GPAT4: variants seen among roughly 807,000 people sequenced by gnomAD.
GPAT4 encodes glycerol-3-phosphate acyltransferase 4, also known as 1-AGP acyltransferase 6.
In GPAT4, 17 loss-of-function variants were observed where a neutral mutation model predicts 58.0. The observed-to-expected ratio is 0.29, with a 90% confidence interval of 0.20 to 0.44. GPAT4 has a LOEUF of 0.44. GPAT4 is among the 20% of genes least tolerant of loss of function. GPAT4 has a pLI of 1.00. For synonymous variants in GPAT4, 204 were observed against 210.1 expected (o/e 0.97, Z 0.25); for missense variants, 377 against 574.5 (o/e 0.66, Z 3.51).
chr8:41,617,276 A>G (rs531561899), intron 10 of GPAT4, among the ~76,000 whole-genome samples: 1 of 152,256 alleles, frequency 6.6e-6, no homozygotes, highest in Admixed American at 6.5e-5. Flanking sequence ...GGGCAGGAGA[A>G]TGGCGTGAAC....
chr8:41,586,800 T>C (rs1802666244), intron 1 of GPAT4, among the ~76,000 whole-genome samples: 1 of 152,242 alleles, frequency 6.6e-6, no homozygotes, highest in South Asian at 2.1e-4. Context: ...GATGGTTGTC[T>C]TCTCAGTTTC....
chr8:41,616,911 C>T (rs566439938), intron 10 of GPAT4, among the ~76,000 whole-genome samples: 4 of 152,244 alleles, frequency 2.6e-5, no homozygotes, highest in African/African-American at 9.6e-5. Context: ...CGGAATCCAG[C>T]CATGACCTGA....
chr8:41,600,331 C>T (rs1441065969), intron 2 of GPAT4, among the ~76,000 whole-genome samples: 2 of 152,116 alleles, frequency 1.3e-5, no homozygotes, highest in African/African-American at 2.4e-5. Flanking sequence ...CCTGAGCCAC[C>T]GTACCTGGCC....
At chr8:41,604,479 G>C (rs1803201605) in intron 2 of GPAT4, among the ~76,000 whole-genome samples, 1 of 152,222 alleles carries the variant, frequency 6.6e-6, no homozygotes, top group African/African-American at 2.4e-5. Flanking sequence ...CATGTGACTG[G>C]AAGGGTTTTA....
intron 1 of GPAT4, among the ~76,000 whole-genome samples, chr8:41,592,022 C>T (rs1156331783): frequency 6.6e-6 from 1 of 152,192 alleles, no homozygotes; most frequent in Admixed American, 6.5e-5. Flanking sequence ...TCCAGTATCC[C>T]TACGAGCCAT....
chr8:41,613,259 A>G lies in GPAT4; in HGVS notation c.911+299A>G, dbSNP rs544477976. On this transcript the variant is annotated intron_variant, in intron 8 of 12. Coordinates refer to ENST00000396987, the MANE Select transcript of GPAT4 (RefSeq NM_178819.4). Reference sequence around the variant, plus strand: ...AAAAATGCAAAAATTATTGACGGGCATCTGTAATCCCAGCTACTAGGGAGA... The same window carrying G: ...AAAAATGCAAAAATTATTGACGGGCGTCTGTAATCCCAGCTACTAGGGAGA... 7.9e-5 allele frequency among the ~76,000 whole-genome samples: 12 copies of G among 152,194 alleles called. No homozygotes were observed. In the South Asian group the frequency reaches 2.5e-3, roughly 32 times the overall value.
rs140227467 is a variant in GPAT4, at chr8:41,602,220, G to C, written c.165+2916G>C. Among the ~76,000 whole-genome samples the C allele has an allele frequency of 1.8e-3, 267 of 152,332 alleles. 2 individuals carry two copies. The highest frequency in any genetic ancestry group is 5.9e-3 in the African/African-American group (247 of 41,586). ...TCCATCCGACTCAGTCTTCCAAAGTGGTGCTGGGATTACAGGCGTGAGCCA... is the reference window on the plus strand; with the variant it reads ...TCCATCCGACTCAGTCTTCCAAAGTCGTGCTGGGATTACAGGCGTGAGCCA... On this transcript the variant is annotated intron_variant, in intron 2 of 12. Transcript: ENST00000396987.
chr8:41,597,953 C>CT (rs1288115561), intron 1 of GPAT4, among the ~76,000 whole-genome samples: 1 of 152,242 alleles, frequency 6.6e-6, no homozygotes, highest in Non-Finnish European at 1.5e-5. Flanking sequence ...CGGAACCACT[C>CT]TGAGTATCTG....
At chr8:41,615,074 T>G in intron 10 of GPAT4, 26 bp downstream of exon 10, 2 of 1,580,668 alleles carry the variant, frequency 1.3e-6, no homozygotes. Context: ...TGGTACACAC[T>G]GTCATTACTG....
At chr8:41,609,358 C>T (rs1228239701) in intron 2 of GPAT4, 58 bp from the exon 3 acceptor site, 1 of 1,523,738 alleles carries the variant, frequency 6.6e-7, no homozygotes. Context: ...TGGAGGTGTT[C>T]ACTGATTGAA....
At chr8:41,581,305 C>A (rs998183620) in intron 1 of GPAT4, among the ~76,000 whole-genome samples, 12 of 152,170 alleles carry the variant, frequency 7.9e-5, no homozygotes, top group Non-Finnish European at 1.8e-4. Context: ...GCCACACAAA[C>A]ACAGAGTCTC....
intron 5 of GPAT4, 23 bp downstream of exon 5, chr8:41,610,833 T>C: frequency 6.3e-7 from 1 of 1,585,388 alleles, no homozygotes. Flanking sequence ...TGGCAGTCCA[T>C]GCCTGAAGGA....
In GPAT4 at chr8:41,622,746, T is replaced by C. The variant is rs2150510972; in HGVS notation, c.*1745T>C. 6.6e-6 allele frequency: 1 copy of C among 152,398 alleles called. No homozygotes were observed. The highest frequency in any genetic ancestry group is 1.5e-5 in the Non-Finnish European group (1 of 68,060). The allele number at this position is 152,398 out of a possible 1,614,324, so 9.4% of individuals were successfully genotyped here. A position where few individuals can be genotyped will look rare whatever the true frequency, so the allele number is the denominator to read the frequency against. On this transcript the variant is annotated 3_prime_UTR_variant, in exon 13 of 13. Coordinates refer to ENST00000396987, the MANE Select transcript of GPAT4 (RefSeq NM_178819.4). ...GACCTCCCTGGGAGAGCCTCCCATT[T>C]CCTCACCTGCCCTGTTGCCAGCCCG... is the stretch of plus-strand genomic sequence containing the variant.
chr8:41,580,215 A>G (rs755494023), intron 1 of GPAT4, among the ~76,000 whole-genome samples: 11 of 152,260 alleles, frequency 7.2e-5, no homozygotes, highest in Non-Finnish European at 1.2e-4. Context: ...TTTAGGGAAC[A>G]TGATAAAATT....
intron 2 of GPAT4, among the ~76,000 whole-genome samples, chr8:41,606,568 T>C (rs1803276775): frequency 6.6e-6 from 1 of 152,196 alleles, no homozygotes; most frequent in Non-Finnish European, 1.5e-5. Flanking sequence ...AGCAGATTAA[T>C]AAAAGAAAAG....
At chr8:41,605,720 G>A (rs1173864563) in intron 2 of GPAT4, among the ~76,000 whole-genome samples, 1 of 152,126 alleles carries the variant, frequency 6.6e-6, no homozygotes, top group East Asian at 1.9e-4. Flanking sequence ...TTACAGGCCT[G>A]TGCCACCACA....
chr8:41,583,351 C>T (rs542098845), intron 1 of GPAT4, among the ~76,000 whole-genome samples: 6 of 151,990 alleles, frequency 3.9e-5, no homozygotes, highest in South Asian at 2.1e-4. Context: ...AAGCTCTCAA[C>T]GTCCACCCTT....
intron 1 of GPAT4, among the ~76,000 whole-genome samples, chr8:41,596,640 A>T (rs543890535): frequency 6.6e-5 from 10 of 152,276 alleles, no homozygotes; most frequent in African/African-American, 2.4e-4. Context: ...CGCTCTTTGG[A>T]TCCACATTGC....
At position 41,598,910 on chromosome 8, in the gene GPAT4, C is replaced by T; in HGVS notation, c.-230C>T. The T allele has an allele frequency of 1.9e-6, 1 of 524,602 alleles. No individual in the cohort carries two copies. Among genetic ancestry groups the T allele is most frequent in the Non-Finnish European group, 3.3e-6 (1 of 302,568 alleles). 32.5% of individuals were successfully genotyped at this position (524,602 alleles called of 1,614,324 possible). The stretch of plus-strand genomic sequence containing the variant: ...GCTTCAATCATCTTTAGAGTCCATC[C>T]ATTCTGGAGAGACCTGGCGTTTGCA... On this transcript the variant is annotated 5_prime_UTR_variant, in exon 2 of 13. Coordinates refer to ENST00000396987, the MANE Select transcript of GPAT4 (RefSeq NM_178819.4).
Sources: allele counts gnomAD v4.1 joint callset (sites outside exome capture counted in the v4.1 genomes callset), GRCh38; gene constraint gnomAD v4.1.1; transcripts MANE v1.5; gene names NCBI Gene and HGNC (gene_info 2026-07-23, HGNC 2026-07-21).